The following BCAS3 variants were observed in gnomAD, a reference collection of about 807,000 sequenced individuals.
BCAS3 encodes BCAS4/BCAS3 fusion.
Under a neutral mutation model 116.1 loss-of-function variants are expected in BCAS3, and 53 were observed. The observed-to-expected ratio is 0.46, with a 90% CI of 0.37 to 0.57. The LOEUF (loss-of-function observed/expected upper bound fraction) is 0.57. BCAS3 is among the 20% of genes least tolerant of loss of function. The pLI is 0.00. For missense variants in BCAS3, 917 were observed against 1,165.4 expected, an observed-to-expected ratio of 0.79 and a Z score of 3.10; for synonymous variants, 391 against 408.2, an observed-to-expected ratio of 0.96 and a Z score of 0.51.
At position 61,017,169 on chromosome 17, in the gene BCAS3, TGTTA is replaced by T. The variant is rs1326940162; in HGVS notation, c.1637+1272_1637+1275del. ...ATTGGATTTCAACTTTCTCTTCCTC[TGTTA>T]GTTTATTTTAAAATAATTTAAGAAT... On this transcript the variant is annotated intron_variant, in intron 16 of 23. Coordinates refer to ENST00000407086, the MANE Select transcript of BCAS3 (RefSeq NM_017679.5). The surrounding 1 kb of genome is among the most constrained non-coding windows in gnomAD (Gnocchi z 4.7). 1.3e-5 allele frequency: 2 copies of T among 152,220 alleles called. No homozygotes were observed. The highest frequency in any genetic ancestry group is 2.1e-4 in the South Asian group (1 of 4,836). 9.4% of individuals were successfully genotyped at this position (152,220 alleles called of 1,614,324 possible). A position where few individuals can be genotyped will look rare whatever the true frequency, so the allele number is the denominator to read the frequency against.
chr17:60,855,029 A>T (rs2053545419), intron 7 of BCAS3, among the ~76,000 whole-genome samples: 1 of 132,308 alleles, frequency 7.6e-6, no homozygotes, highest in Admixed American at 9.0e-5. Flanking sequence ...AGCTCACTGC[A>T]ACCTCTGCCT....
rs190459029 is a variant in BCAS3, at chr17:60,875,125, T to C, written c.661+387T>C. On this transcript the variant is annotated intron_variant, in intron 9 of 23. Coordinates refer to ENST00000407086, the MANE Select transcript of BCAS3 (RefSeq NM_017679.5). Reference sequence around the variant, plus strand: ...ATTTGTTTCTACTAACATTAGTATCTGTCATTTAACCAAAAGGTGAAAAAA... The same window carrying C: ...ATTTGTTTCTACTAACATTAGTATCCGTCATTTAACCAAAAGGTGAAAAAA... Among the ~76,000 whole-genome samples the C allele has an allele frequency of 1.8e-3, 271 of 152,264 alleles. 2 individuals are homozygous for C. The highest frequency in any genetic ancestry group is 6.1e-3 in the African/African-American group (254 of 41,574).
At chr17:61,359,503 T>TTG (rs1250299145) in intron 22 of BCAS3, among the ~76,000 whole-genome samples, 1 of 149,694 alleles carries the variant, frequency 6.7e-6, no homozygotes, top group African/African-American at 2.5e-5. Flanking sequence ...AGGTTTTGTT[T>TTG]TTTTTTTTTG....
chr17:60,828,541 A>C (rs778235067), intron 7 of BCAS3, among the ~76,000 whole-genome samples: 6 of 152,164 alleles, frequency 3.9e-5, no homozygotes, highest in Non-Finnish European at 8.8e-5. Context: ...AAGGATTTTA[A>C]ATTGGTTATA....
Position 61,363,482 on chromosome 17 carries a change from A to T in BCAS3, c.2426-4845A>T, listed in dbSNP as rs1005438141. Among the ~76,000 whole-genome samples, 1 of 152,128 alleles carries T rather than the reference A, an allele frequency of 6.6e-6. No individual in the cohort carries two copies. The highest frequency in any genetic ancestry group is 1.9e-4 in the East Asian group (1 of 5,196). On this transcript the variant is annotated intron_variant, in intron 22 of 23. Transcript: ENST00000407086. This position sits in a 1 kb window ranked among gnomAD's most constrained non-coding sequence, Gnocchi z 4.9. ...CAGATGCCTCATGTCTCTGAAACTC[A>T]GTAAGATGGAAACCTATACAATGGT... is the stretch of plus-strand genomic sequence containing the variant.
At chr17:60,890,896 TCTA>T (rs971339512) in intron 10 of BCAS3, among the ~76,000 whole-genome samples, 1 of 152,190 alleles carries the variant, frequency 6.6e-6, no homozygotes, top group African/African-American at 2.4e-5. Flanking sequence ...TAAAGCCAAA[TCTA>T]CTAAATTTCT....
chr17:61,321,992 G>A (rs1053769648), intron 22 of BCAS3, among the ~76,000 whole-genome samples: 57 of 151,982 alleles, frequency 3.8e-4, no homozygotes, highest in African/African-American at 1.3e-3. Context: ...GGAGTGCAGT[G>A]GCACAATCTC....
At position 61,355,361 on chromosome 17, in the gene BCAS3, G is replaced by A. The variant is rs894089423; in HGVS notation, c.2426-12966G>A. ...TTATTTGTGGAGCACAGAAATCACA[G>A]GATTTAGCTGGGTTGCTCCCTCCAC... On this transcript the variant is annotated intron_variant, in intron 22 of 23. Transcript: ENST00000407086. This position sits in a 1 kb window ranked among gnomAD's most constrained non-coding sequence, Gnocchi z 4.2. Among the ~76,000 whole-genome samples the A allele has an allele frequency of 6.6e-6, 1 of 152,086 alleles. No individual in the cohort carries two copies. The highest frequency in any genetic ancestry group is 1.5e-5 in the Non-Finnish European group (1 of 68,030).
At chr17:60,730,260 A>C (rs1351906758) in intron 5 of BCAS3, among the ~76,000 whole-genome samples, 1 of 152,198 alleles carries the variant, frequency 6.6e-6, no homozygotes, top group Non-Finnish European at 1.5e-5. Flanking sequence ...TGGAAGTATG[A>C]AAATATGATT....
intron 22 of BCAS3, among the ~76,000 whole-genome samples, chr17:61,266,785 C>T (rs539836107): frequency 6.6e-6 from 1 of 152,314 alleles, no homozygotes; most frequent in East Asian, 1.9e-4. Context: ...CCTATTTAGT[C>T]TATTTTCTCC....
Position 60,948,416 on chromosome 17 carries a change from G to A in BCAS3, c.1221+1064G>A, listed in dbSNP as rs576648966. 2.9e-4 allele frequency among the ~76,000 whole-genome samples: 44 copies of A among 152,224 alleles called. 1 individual carries two copies. The East Asian group carries it at 3.5e-3, about 12-fold the overall frequency. Reference sequence around the variant, plus strand: ...TGGGATTATAGGCATGAGCCACCGCGCCTGGCCCACATATATTTAATATTC... The same window carrying A: ...TGGGATTATAGGCATGAGCCACCGCACCTGGCCCACATATATTTAATATTC... On this transcript the variant is annotated intron_variant, in intron 14 of 23. Transcript: ENST00000407086.
chr17:60,949,845 G>C (rs1015873265), intron 14 of BCAS3, among the ~76,000 whole-genome samples: 9 of 152,128 alleles, frequency 5.9e-5, no homozygotes, highest in Admixed American at 3.9e-4. Context: ...AGAGGGATAA[G>C]TTAAACAACA....
At chr17:60,782,626 G>A (rs181719511) in intron 6 of BCAS3, among the ~76,000 whole-genome samples, 93 of 150,362 alleles carry the variant, frequency 6.2e-4, no homozygotes, top group Middle Eastern at 3.4e-3. Flanking sequence ...TTGCTCTGTC[G>A]CCAGACTGGA....
intron 23 of BCAS3, among the ~76,000 whole-genome samples, chr17:61,374,809 T>C (rs908633012): frequency 2.6e-5 from 4 of 152,266 alleles, no homozygotes; most frequent in Non-Finnish European, 2.9e-5. Context: ...TTCCTTTTCT[T>C]CTATTATTCT....
intron 22 of BCAS3, among the ~76,000 whole-genome samples, chr17:61,155,250 A>T (rs1360853983): frequency 6.6e-6 from 1 of 152,170 alleles, no homozygotes; most frequent in Non-Finnish European, 1.5e-5. Flanking sequence ...TTTGATATGA[A>T]TTTTGGTAAA....
chr17:60,838,388 C>G (rs1377609863), intron 7 of BCAS3, among the ~76,000 whole-genome samples: 1 of 151,848 alleles, frequency 6.6e-6, no homozygotes, highest in East Asian at 1.9e-4. Flanking sequence ...ATTTCAGGAG[C>G]TTTAATAACT....
intron 4 of BCAS3, among the ~76,000 whole-genome samples, chr17:60,707,952 T>C (rs2037380185): frequency 6.6e-6 from 1 of 152,168 alleles, no homozygotes; most frequent in Non-Finnish European, 1.5e-5. Context: ...TGATTTATAG[T>C]TTTCTTGTAA....
At chr17:60,932,893 G>A (rs552781573) in intron 13 of BCAS3, among the ~76,000 whole-genome samples, 1 of 151,678 alleles carries the variant, frequency 6.6e-6, no homozygotes, top group Admixed American at 6.6e-5. Context: ...ACCCCATGGA[G>A]GCTGGAAGCG....
chr17:61,321,739 C>T (rs892673316), intron 22 of BCAS3, among the ~76,000 whole-genome samples: 3 of 152,104 alleles, frequency 2.0e-5, no homozygotes, highest in Admixed American at 6.5e-5. Context: ...CTGAGAACAA[C>T]GCTGACCTAG....
Sources: allele counts gnomAD v4.1 joint callset (sites outside exome capture counted in the v4.1 genomes callset), GRCh38; gene constraint gnomAD v4.1.1; non-coding constraint Gnocchi (gnomAD v3.1); transcripts MANE v1.5; gene names NCBI Gene and HGNC (gene_info 2026-07-23, HGNC 2026-07-21).